TBC1D31: variants seen among roughly 807,000 people sequenced by gnomAD.
TBC1D31 encodes WD repeat domain 67.
TBC1D31 carries 99 observed loss-of-function variants against 132.9 expected under a neutral mutation model. The observed-to-expected ratio is 0.74, with a 90% CI of 0.63 to 0.88. The LOEUF (loss-of-function observed/expected upper bound fraction) is 0.88, where lower values mean the gene tolerates loss of function less well. TBC1D31 is among the 40% of genes least tolerant of loss of function. The pLI is 0.00. For missense variants in TBC1D31, 1,134 were observed against 1,256.6 expected (o/e 0.90, Z 1.48); for synonymous variants, 385 against 419.4 (o/e 0.92, Z 1.00).
chr8:123,080,529 CTTTTTTTTT>C (rs57694076), intron 2 of TBC1D31, among the ~76,000 whole-genome samples: 4 of 76,320 alleles, frequency 5.2e-5, no homozygotes, highest in African/African-American at 1.1e-4. Context: ...TTCTTTTATT[CTTTTTTTTT>C]TTTTTTTTTT....
At chr8:123,132,051 A>G (rs1168578908) in intron 16 of TBC1D31, among the ~76,000 whole-genome samples, 2 of 152,202 alleles carry the variant, frequency 1.3e-5, no homozygotes, top group South Asian at 4.1e-4. Context: ...TTTGTTGACT[A>G]TTATCCAAGT....
rs115877570 is a variant in TBC1D31, at chr8:123,086,111, T to C, written c.519+1771T>C. 3.8e-3 allele frequency among the ~76,000 whole-genome samples: 573 copies of C among 152,342 alleles called. 2 individuals are homozygous for C. Among genetic ancestry groups the C allele is most frequent in the African/African-American group, 0.013 (555 of 41,578 alleles). ...GCTCCCATTGTTATTTTGTCCTTTA[T>C]GTCCCCTGGCTGTCATCTCCTGTGA... On this transcript the variant is annotated intron_variant, in intron 4 of 21. Transcript: ENST00000287380.
chr8:123,153,229 G>T (rs1443901886), downstream of TBC1D31, among the ~76,000 whole-genome samples: 2 of 152,060 alleles, frequency 1.3e-5, no homozygotes, highest in Admixed American at 1.3e-4. Context: ...GACTAGAATT[G>T]CCTGCTCACC....
intron 5 of TBC1D31, among the ~76,000 whole-genome samples, chr8:123,096,337 C>T (rs1398620263): frequency 6.6e-6 from 1 of 152,108 alleles, no homozygotes; most frequent in Non-Finnish European, 1.5e-5. Context: ...TGGCAATGCA[C>T]TTGAGTATGA....
chr8:123,135,465 G>A (rs1396353861), intron 17 of TBC1D31, among the ~76,000 whole-genome samples: 1 of 152,184 alleles, frequency 6.6e-6, no homozygotes, highest in East Asian at 1.9e-4. Flanking sequence ...GCCAAATGTG[G>A]TAGTGCGCAC....
chr8:123,133,014 T>C (rs1386112884), intron 16 of TBC1D31, among the ~76,000 whole-genome samples: 1 of 152,196 alleles, frequency 6.6e-6, no homozygotes, highest in Non-Finnish European at 1.5e-5. Flanking sequence ...CCGCCTACCC[T>C]TGCAGCCTCC....
chr8:123,108,377 A>G (rs1818138567), intron 8 of TBC1D31, among the ~76,000 whole-genome samples: 1 of 152,174 alleles, frequency 6.6e-6, no homozygotes, highest in Admixed American at 6.5e-5. Flanking sequence ...TTAAAGTCTT[A>G]GATATAAGGG....
At chr8:123,087,569 T>A (rs1815893281) in intron 4 of TBC1D31, among the ~76,000 whole-genome samples, 1 of 152,234 alleles carries the variant, frequency 6.6e-6, no homozygotes, top group Admixed American at 6.5e-5. Context: ...GCTTTAGTAC[T>A]TACATTTTGA....
rs779652976 is a variant in TBC1D31 at position 123,151,801 on chromosome 8, T to C, written c.3068-5T>C. The C allele has an allele frequency of 3.2e-6, 5 of 1,551,254 alleles. No homozygotes were observed. The highest frequency in any genetic ancestry group is 4.3e-6 in the Non-Finnish European group (5 of 1,161,288). Reference sequence around the variant, plus strand: ...CTTTTCTAAATTTTAAATTTCGTTTTCAAGTTTCTTTAAATAGAAGAGCAG... The same window carrying C: ...CTTTTCTAAATTTTAAATTTCGTTTCCAAGTTTCTTTAAATAGAAGAGCAG... On this transcript the variant is annotated splice_polypyrimidine_tract_variant and splice_region_variant and intron_variant, in intron 21 of 21. Coordinates refer to ENST00000287380, the MANE Select transcript of TBC1D31 (RefSeq NM_145647.4).
At chr8:123,073,847 G>T (rs1325588146) in intron 1 of TBC1D31, among the ~76,000 whole-genome samples, 1 of 150,652 alleles carries the variant, frequency 6.6e-6, no homozygotes, top group Non-Finnish European at 1.5e-5. Context: ...CACTACGCCC[G>T]GCTAATTTTT....
Position 123,077,176 on chromosome 8 carries a change from T to C in TBC1D31, c.143T>C (p.Val48Ala). 1 of 1,613,194 alleles carries C rather than the reference T, an allele frequency of 6.2e-7. No homozygotes were observed. The highest frequency in any genetic ancestry group is 8.5e-7 in the Non-Finnish European group (1 of 1,179,676). The change falls in exon 2 of 22, where the codon GTG (valine) becomes GCG (alanine). Residue 48 changes from valine (V) to alanine (A), a missense_variant. Val to Ala is a moderately conservative substitution (Grantham distance 64). Transcript: ENST00000287380. ...CCAAAAGTTTTGCGATTTTTGAATGTGGCTTTTGATGGCACAGGCGACTGC... is the reference window on the plus strand; with the variant it reads ...CCAAAAGTTTTGCGATTTTTGAATGCGGCTTTTGATGGCACAGGCGACTGC... The part of the protein sequence containing the change: ...YHPKVLRFLN[V>A]AFDGTGDCLI...
At chr8:123,096,531 C>T (rs931285701) in intron 5 of TBC1D31, among the ~76,000 whole-genome samples, 1 of 152,130 alleles carries the variant, frequency 6.6e-6, no homozygotes, top group Non-Finnish European at 1.5e-5. Flanking sequence ...TTTTATAGTT[C>T]TATATAGAAC....
the TBC1D31 span, among the ~76,000 whole-genome samples, chr8:123,159,284 G>GA: frequency 3.0e-5 from 4 of 132,296 alleles, 1 homozygote; most frequent in African/African-American, 1.2e-4. Context: ...AAAAAAAAAA[G>GA]AAAAAGAAAA....
At chr8:123,118,209 G>A (rs1235749383) in intron 10 of TBC1D31, among the ~76,000 whole-genome samples, 3 of 152,068 alleles carry the variant, frequency 2.0e-5, no homozygotes, top group African/African-American at 4.8e-5. Context: ...ACGGAAAAAT[G>A]ATATCAGTGG....
intron 19 of TBC1D31, among the ~76,000 whole-genome samples, chr8:123,144,299 G>A (rs566094603): frequency 6.6e-6 from 1 of 152,224 alleles, no homozygotes; most frequent in South Asian, 2.1e-4. Flanking sequence ...GTCATCATGT[G>A]GACCAGAGCT....
chr8:123,107,007 T>C (rs756155994), intron 8 of TBC1D31, among the ~76,000 whole-genome samples: 2 of 152,148 alleles, frequency 1.3e-5, no homozygotes, highest in Non-Finnish European at 2.9e-5. Flanking sequence ...CAGGGAAATT[T>C]ATTAGAGACC....
intron 4 of TBC1D31, among the ~76,000 whole-genome samples, chr8:123,091,433 A>G (rs891934053): frequency 2.0e-5 from 3 of 152,178 alleles, no homozygotes; most frequent in African/African-American, 7.2e-5. Flanking sequence ...ACAGTGTTCT[A>G]ATGCGTTCAT....
intron 2 of TBC1D31, among the ~76,000 whole-genome samples, chr8:123,080,555 TGAG>T (rs1815036646): frequency 1.2e-5 from 1 of 85,680 alleles, no homozygotes; most frequent in African/African-American, 4.4e-5. Flanking sequence ...TTTTTTTTTT[TGAG>T]ACGGAGTCTC....
intron 10 of TBC1D31, among the ~76,000 whole-genome samples, chr8:123,112,803 C>G (rs13439167): frequency 0.3 from 45,752 of 152,064 alleles, 6,919 homozygotes; most frequent in African/African-American, 0.32. Context: ...CATCAGATAA[C>G]TTTGTTAAGA....
Sources: allele counts gnomAD v4.1 joint callset (sites outside exome capture counted in the v4.1 genomes callset), GRCh38; gene constraint gnomAD v4.1.1; transcripts MANE v1.5; gene names NCBI Gene and HGNC (gene_info 2026-07-23, HGNC 2026-07-21).